The following NRF1 variants were observed in gnomAD, a reference collection of about 807,000 sequenced individuals.
NRF1 encodes the protein nuclear respiratory factor 1.
NRF1 carries 5 observed loss-of-function variants against 58.5 expected under a neutral mutation model. That is an observed-to-expected ratio of 0.09 (90% CI 0.04 to 0.18). The LOEUF (loss-of-function observed/expected upper bound fraction) is 0.18, where lower values mean the gene tolerates loss of function less well. Ranked by LOEUF, NRF1 falls within the 10% of genes least tolerant of loss-of-function variation. The pLI, the probability that NRF1 is intolerant of heterozygous loss-of-function variation, is 1.00. For synonymous variants in NRF1, 224 were observed against 246.7 expected, an observed-to-expected ratio of 0.91 and a Z score of 0.86; for missense variants, 288 against 657.7, an observed-to-expected ratio of 0.44 and a Z score of 6.15.
At chr7:129,650,049 G>A (rs1039971253) in intron 1 of NRF1, among the ~76,000 whole-genome samples, 9 of 152,144 alleles carry the variant, frequency 5.9e-5, no homozygotes, top group African/African-American at 9.7e-5. Flanking sequence ...CACTGTGTCC[G>A]GCCAAGAAGG....
At chr7:129,624,738 C>T (rs934514324) in intron 1 of NRF1, among the ~76,000 whole-genome samples, 2 of 152,124 alleles carry the variant, frequency 1.3e-5, no homozygotes, top group African/African-American at 4.8e-5. Flanking sequence ...TGCTCTCAGA[C>T]TCCTGTGCTG....
chr7:129,736,629 AGCT>A (rs897623393), intron 10 of NRF1, among the ~76,000 whole-genome samples: 1 of 65,862 alleles, frequency 1.5e-5, no homozygotes, highest in Non-Finnish European at 3.8e-5. Context: ...TGGTATCTAT[AGCT>A]TTTTTTTTTT....
At chr7:129,690,639 T>C (rs1301418196) in intron 5 of NRF1, 93 bp downstream of exon 5, 12 of 1,382,146 alleles carry the variant, frequency 8.7e-6, no homozygotes, top group Admixed American at 3.6e-5. Context: ...TCCTCAGTGA[T>C]CTGACCAGGG....
At chr7:129,619,425 TATATATATAC>T (rs1473928912) in intron 1 of NRF1, among the ~76,000 whole-genome samples, 30 of 82,562 alleles carry the variant, frequency 3.6e-4, no homozygotes, top group East Asian at 9.3e-4. Flanking sequence ...TATATATATA[TATATATATAC>T]ACACACACAC....
intron 4 of NRF1, among the ~76,000 whole-genome samples, chr7:129,688,669 CTT>C (rs1802495828): frequency 6.6e-6 from 1 of 151,144 alleles, no homozygotes; most frequent in Non-Finnish European, 1.5e-5. Flanking sequence ...CAAGGCACGT[CTT>C]ACATAGTGGC....
At chr7:129,697,090 G>T (rs963537953) in intron 5 of NRF1, among the ~76,000 whole-genome samples, 4 of 151,970 alleles carry the variant, frequency 2.6e-5, no homozygotes, top group African/African-American at 7.2e-5. Context: ...ATTCATTTTT[G>T]AATAACCTGA....
At chr7:129,660,687 C>G (rs1417168859) in intron 2 of NRF1, among the ~76,000 whole-genome samples, 2 of 150,802 alleles carry the variant, frequency 1.3e-5, no homozygotes, top group African/African-American at 2.5e-5. Flanking sequence ...AGCTCTGCCC[C>G]CTGTGGCTTT....
chr7:129,725,739 A>T (rs1284167099), intron 9 of NRF1, among the ~76,000 whole-genome samples: 2 of 152,252 alleles, frequency 1.3e-5, no homozygotes, highest in African/African-American at 4.8e-5. Flanking sequence ...AAGCAAGTAT[A>T]CTGCTTTTAT....
At chr7:129,678,726 C>T (rs930699041) in intron 4 of NRF1, among the ~76,000 whole-genome samples, 3 of 152,110 alleles carry the variant, frequency 2.0e-5, no homozygotes, top group African/African-American at 7.2e-5. Context: ...CTGGGCATTT[C>T]TTCTCTTCTT....
chr7:129,718,925 A>G (rs1170186981), intron 9 of NRF1, among the ~76,000 whole-genome samples: 1 of 152,234 alleles, frequency 6.6e-6, no homozygotes, highest in Non-Finnish European at 1.5e-5. Flanking sequence ...TATATGAGAT[A>G]ATATAGATAA....
In NRF1 at chr7:129,645,541, C is replaced by T. The variant is rs116226509; in HGVS notation, c.-6-11805C>T. On this transcript the variant is annotated intron_variant, in intron 1 of 10. Transcript: ENST00000393232. ...TGATTTTCAGTAGGTCTACGCAGTC[C>T]GCTAGGGAGTTAGGATGGTAGATAA... 2.6e-3 allele frequency among the ~76,000 whole-genome samples: 392 copies of T among 152,280 alleles called. 1 individual carries two copies. The highest frequency in any genetic ancestry group is 8.7e-3 in the African/African-American group (361 of 41,558).
intron 10 of NRF1, among the ~76,000 whole-genome samples, chr7:129,743,172 GT>G (rs1451230500): frequency 1.3e-4 from 7 of 54,716 alleles, no homozygotes; most frequent in Non-Finnish European, 3.4e-4. Context: ...CCTACCCCTT[GT>G]TTAAAAAAAA....
intron 1 of NRF1, among the ~76,000 whole-genome samples, chr7:129,655,367 A>T (rs568647866): frequency 1.1e-4 from 17 of 152,258 alleles, no homozygotes; most frequent in African/African-American, 3.6e-4. Flanking sequence ...CTACATCAAC[A>T]ATCATGTCAT....
intron 8 of NRF1, among the ~76,000 whole-genome samples, chr7:129,716,658 G>A (rs1023229404): frequency 4.6e-5 from 7 of 151,964 alleles, no homozygotes; most frequent in African/African-American, 7.3e-5. Context: ...ATTACCTAAG[G>A]TCAGGAGTTT....
chr7:129,623,795 A>G (rs574943952), intron 1 of NRF1, among the ~76,000 whole-genome samples: 5 of 152,326 alleles, frequency 3.3e-5, no homozygotes, highest in African/African-American at 4.8e-5. Context: ...ACAAAGTCCG[A>G]CTTGTTTATT....
chr7:129,700,140 CAA>C (rs34467686), intron 5 of NRF1, among the ~76,000 whole-genome samples: 1 of 127,186 alleles, frequency 7.9e-6, no homozygotes, highest in Non-Finnish European at 1.7e-5. Context: ...GACTCCATCT[CAA>C]AAAAAAAAAA....
At chr7:129,739,160 G>T (rs1168419975) in intron 10 of NRF1, among the ~76,000 whole-genome samples, 1 of 152,206 alleles carries the variant, frequency 6.6e-6, no homozygotes, top group Non-Finnish European at 1.5e-5. Flanking sequence ...TTAGCTACAT[G>T]TGGCTATTTG....
intron 1 of NRF1, among the ~76,000 whole-genome samples, chr7:129,617,378 A>G (rs944954417): frequency 6.6e-6 from 1 of 152,208 alleles, no homozygotes; most frequent in Non-Finnish European, 1.5e-5. Context: ...AAATGTCCCA[A>G]TGAAACATTG....
intron 8 of NRF1, among the ~76,000 whole-genome samples, chr7:129,712,877 A>G (rs1803106440): frequency 6.6e-6 from 1 of 152,192 alleles, no homozygotes; most frequent in African/African-American, 2.4e-5. Context: ...GAACACTAGA[A>G]CAAGATGACA....
Sources: gnomAD v4.1 joint callset for allele counts (sites outside exome capture counted in the v4.1 genomes callset) on GRCh38, gnomAD v4.1.1 for gene constraint, MANE v1.5 for transcripts, NCBI Gene and HGNC (gene_info 2026-07-23, HGNC 2026-07-21) for gene names.